LAMA2: variants seen among roughly 807,000 people sequenced by gnomAD.
The protein encoded by LAMA2 is laminin subunit alpha-2.
Under a neutral mutation model 364.8 loss-of-function variants are expected in LAMA2, and 269 were observed. The ratio of observed to expected loss-of-function variants is 0.74; its 90% CI spans 0.67 to 0.82. The LOEUF is 0.82. Among genes scored for constraint, LAMA2 ranks in the 40% least tolerant of loss-of-function variants. LAMA2 has a pLI of 0.00. For missense variants in LAMA2, 3,807 were observed against 3,873.2 expected, an observed-to-expected ratio of 0.98 and a Z score of 0.45; for synonymous variants, 1,379 against 1,370.6, an observed-to-expected ratio of 1.01 and a Z score of -0.14.
rs751322862 is a variant in LAMA2, at chr6:129,312,878, A to G, written c.3192A>G (p.Thr1064=). ...TTGCKACNCS[T]VGSLDFQCNV... ...CTCTATAGGCTTGTAACTGCAGCACAGTGGGATCCTTGGATTTCCAATGCA... is the reference window on the plus strand; with the variant it reads ...CTCTATAGGCTTGTAACTGCAGCACGGTGGGATCCTTGGATTTCCAATGCA... Residue 1064 remains threonine, a synonymous_variant, in exon 23 of 65, where the codon ACA becomes ACG. Coordinates refer to ENST00000421865, the MANE Select transcript of LAMA2 (RefSeq NM_000426.4). 5 of 1,613,878 alleles carry G rather than the reference A, an allele frequency of 3.1e-6. No homozygotes were observed. Among genetic ancestry groups the G allele is most frequent in the South Asian group, 1.1e-5 (1 of 91,060 alleles).
intron 13 of LAMA2, among the ~76,000 whole-genome samples, chr6:129,251,068 C>CTCTG (rs1786182013): frequency 1.5e-5 from 1 of 68,510 alleles, no homozygotes; most frequent in Non-Finnish European, 3.2e-5. Context: ...CTCTCTCTCT[C>CTCTG]TCTCTCTCTA....
chr6:128,971,419 A>T (rs897740444), intron 1 of LAMA2, among the ~76,000 whole-genome samples: 3 of 148,704 alleles, frequency 2.0e-5, no homozygotes, highest in Non-Finnish European at 4.4e-5. Context: ...TGGAGAACTT[A>T]AGCTCATAGG....
intron 12 of LAMA2, among the ~76,000 whole-genome samples, chr6:129,224,152 T>C (rs930554607): frequency 6.6e-6 from 1 of 152,196 alleles, no homozygotes; most frequent in Non-Finnish European, 1.5e-5. Context: ...TGATTGTCTG[T>C]TGTTAGTGTA....
chr6:129,516,453 T>A lies in LAMA2; in HGVS notation c.*106T>A. The stretch of plus-strand genomic sequence containing the variant: ...TGTTAATTAAACTAATTTGTGCATG[T>A]ACATAGAATTCTTTCTGTATTCAGA... On this transcript the variant is annotated 3_prime_UTR_variant, in exon 65 of 65. Coordinates refer to ENST00000421865, the MANE Select transcript of LAMA2 (RefSeq NM_000426.4). 1 of 1,144,302 alleles carries A rather than the reference T, an allele frequency of 8.7e-7. No homozygotes were observed. Among genetic ancestry groups the A allele is most frequent in the Non-Finnish European group, 1.3e-6 (1 of 778,724 alleles). 70.9% of individuals were successfully genotyped at this position (1,144,302 alleles called of 1,614,324 possible). A position where few individuals can be genotyped will look rare whatever the true frequency, so the allele number is the denominator to read the frequency against.
chr6:129,131,441 G>C (rs1777470211), intron 4 of LAMA2, among the ~76,000 whole-genome samples: 1 of 152,220 alleles, frequency 6.6e-6, no homozygotes, highest in Non-Finnish European at 1.5e-5. Context: ...AACACAAGCT[G>C]TATCTGAGCT....
chr6:128,995,649 CCTT>C (rs1006861290), intron 1 of LAMA2, among the ~76,000 whole-genome samples: 2 of 151,994 alleles, frequency 1.3e-5, no homozygotes, highest in Admixed American at 6.6e-5. Context: ...AACCCTTTCT[CCTT>C]CTCTCTCTCC....
At chr6:129,390,357 C>G (rs1779253792) in intron 35 of LAMA2, among the ~76,000 whole-genome samples, 1 of 151,992 alleles carries the variant, frequency 6.6e-6, no homozygotes, top group Non-Finnish European at 1.5e-5. Flanking sequence ...TACTGACCCA[C>G]CTTCTCACAT....
chr6:129,512,877 T>G (rs931785196), intron 63 of LAMA2, among the ~76,000 whole-genome samples: 10 of 152,208 alleles, frequency 6.6e-5, no homozygotes, highest in Non-Finnish European at 1.3e-4. Context: ...CTAAAATTAG[T>G]CTGCCTCTTT....
Position 129,314,791 on chromosome 6 carries a change from G to C in LAMA2, c.3548G>C (p.Arg1183Pro), listed in dbSNP as rs1172506735. ...TGCTCTGAAGCAAAAGGACTGATCC[G>C]GACGTGGGTGAGTAGGGAACTGCTG... is the stretch of plus-strand genomic sequence containing the variant. Reference protein sequence around the residue: ...TQCSEAKGLIRTWVTLKAEQT... With the variant: ...TQCSEAKGLIPTWVTLKAEQT... Residue 1183 changes from arginine to proline, a missense_variant, in exon 24 of 65, where the codon CGG (arginine) becomes CCG (proline). Around this residue, in one of 3 missense-constraint regions of LAMA2, gnomAD observed 3,333 missense variants for 3,345.7 expected, o/e 1.00. Coordinates refer to ENST00000421865, the MANE Select transcript of LAMA2 (RefSeq NM_000426.4). 3.1e-6 allele frequency: 5 copies of C among 1,613,884 alleles called. No homozygotes were observed. Among genetic ancestry groups the C allele is most frequent in the Non-Finnish European group, 3.4e-6 (4 of 1,179,992 alleles).
chr6:129,347,394 AGAG>A (rs774586265), intron 30 of LAMA2, among the ~76,000 whole-genome samples: 9 of 152,202 alleles, frequency 5.9e-5, no homozygotes, highest in Non-Finnish European at 1.2e-4. Context: ...GAGATCATTC[AGAG>A]GAGAGAGGAG....
At chr6:129,022,623 A>G (rs529874983) in intron 1 of LAMA2, among the ~76,000 whole-genome samples, 2 of 152,208 alleles carry the variant, frequency 1.3e-5, no homozygotes, top group Non-Finnish European at 2.9e-5. Flanking sequence ...ATCAATAGAT[A>G]GATGCATAAG....
intron 3 of LAMA2, among the ~76,000 whole-genome samples, chr6:129,078,128 CTG>C (rs1461853396): frequency 1.3e-5 from 1 of 77,330 alleles, no homozygotes; most frequent in Non-Finnish European, 2.5e-5. Context: ...TGGGAAATCT[CTG>C]TATTTTTTTT....
intron 1 of LAMA2, among the ~76,000 whole-genome samples, chr6:129,027,568 A>G (rs775408861): frequency 1.2e-4 from 19 of 152,108 alleles, no homozygotes; most frequent in Non-Finnish European, 2.2e-4. Context: ...AGAATCAAAC[A>G]ATGATTCTTT....
intron 16 of LAMA2, among the ~76,000 whole-genome samples, chr6:129,268,456 A>G (rs1467638269): frequency 1.3e-5 from 2 of 152,222 alleles, no homozygotes; most frequent in East Asian, 3.9e-4. Flanking sequence ...AAAAATAAGT[A>G]TGTCATAATA....
intron 1 of LAMA2, among the ~76,000 whole-genome samples, chr6:128,972,240 T>C (rs1167965514): frequency 6.6e-6 from 1 of 152,194 alleles, no homozygotes; most frequent in Admixed American, 6.5e-5. Context: ...AAATCTGTTC[T>C]ATTCACTGTC....
chr6:129,480,633 T>G (rs1280403773), intron 54 of LAMA2, among the ~76,000 whole-genome samples: 1 of 152,264 alleles, frequency 6.6e-6, no homozygotes, highest in African/African-American at 2.4e-5. Context: ...GGAGCTGATT[T>G]TCTCCCTTTT....
At chr6:128,972,601 G>C (rs557254857) in intron 1 of LAMA2, among the ~76,000 whole-genome samples, 1 of 152,186 alleles carries the variant, frequency 6.6e-6, no homozygotes, top group East Asian at 1.9e-4. Flanking sequence ...GTATTGATGG[G>C]ACTAGAGTCA....
chr6:129,117,209 A>G (rs1776530055), intron 4 of LAMA2, among the ~76,000 whole-genome samples: 1 of 152,200 alleles, frequency 6.6e-6, no homozygotes, highest in Non-Finnish European at 1.5e-5. Context: ...AATTTAATGC[A>G]GTCCTTATGT....
chr6:129,079,459 A>T (rs927956802), intron 3 of LAMA2, among the ~76,000 whole-genome samples: 2 of 151,676 alleles, frequency 1.3e-5, no homozygotes, highest in Admixed American at 1.3e-4. Flanking sequence ...GAACCACTAT[A>T]TTGTTTTCCA....
Sources: gnomAD v4.1 joint callset for allele counts (sites outside exome capture counted in the v4.1 genomes callset) on GRCh38, gnomAD v4.1.1 for gene constraint, gnomAD v4.1.1 regional missense constraint, MANE v1.5 for transcripts, NCBI Gene and HGNC (gene_info 2026-07-23, HGNC 2026-07-21) for gene names.